The following WASL variants were observed in gnomAD, a reference collection of about 807,000 sequenced individuals.
WASL encodes WASP like actin nucleation promoting factor, also known as actin nucleation-promoting factor WASL.
A neutral mutation model predicts 55.5 loss-of-function variants in WASL; 20 were observed. The observed-to-expected ratio is 0.36, with a 90% CI of 0.25 to 0.52. The LOEUF is 0.52. WASL is among the 20% of genes least tolerant of loss of function. The pLI, the probability that WASL is intolerant of heterozygous loss-of-function variation, is 0.92. For missense variants in WASL, 504 were observed against 622.5 expected, an observed-to-expected ratio of 0.81 and a Z score of 2.03; for synonymous variants, 249 against 217.6, an observed-to-expected ratio of 1.14 and a Z score of -1.27.
At chr7:123,707,045 T>C (rs1275616364) in intron 2 of WASL, among the ~76,000 whole-genome samples, 1 of 152,158 alleles carries the variant, frequency 6.6e-6, no homozygotes, top group African/African-American at 2.4e-5. Flanking sequence ...AAAACCTACA[T>C]ATCAAGTCAG....
chr7:123,704,902 T>C (rs1227664094), intron 4 of WASL, among the ~76,000 whole-genome samples: 1 of 152,054 alleles, frequency 6.6e-6, no homozygotes. Flanking sequence ...AGTGAGCAAA[T>C]GGCACAGTGA....
intron 1 of WASL, among the ~76,000 whole-genome samples, chr7:123,741,131 G>C (rs189248840): frequency 2.1e-3 from 313 of 152,290 alleles, no homozygotes; most frequent in Non-Finnish European, 3.6e-3. Context: ...GTCCAGGGTT[G>C]GTTCTTGCCT....
At position 123,696,677 on chromosome 7, in the gene WASL, T is replaced by C. The variant is rs1184887041; in HGVS notation, c.531A>G (p.Pro177=). The stretch of plus-strand genomic sequence containing the variant: ...TGGTATGGGAGATGTTGTTGACTTG[T>C]GGACCATAAAATCTATTTGTTGTGA... The part of the protein sequence containing the change: ...PEITTNRFYG[P]QVNNISHTKE... The change falls in exon 6 of 11, where the codon CCA becomes CCG. Residue 177 remains proline, a synonymous_variant. Transcript: ENST00000223023. 2 of 1,605,994 alleles carry C rather than the reference T, an allele frequency of 1.2e-6. No homozygotes were observed. The highest frequency in any genetic ancestry group is 3.4e-5 in the Admixed American group (2 of 59,186).
At chr7:123,737,275 C>T (rs765949549) in intron 1 of WASL, among the ~76,000 whole-genome samples, 1 of 152,144 alleles carries the variant, frequency 6.6e-6, no homozygotes, top group Non-Finnish European at 1.5e-5. Flanking sequence ...GCTTGGTCTA[C>T]GTACTCCTTG....
At chr7:123,710,664 T>C (rs1326329356) in intron 1 of WASL, among the ~76,000 whole-genome samples, 1 of 152,142 alleles carries the variant, frequency 6.6e-6, no homozygotes, top group Non-Finnish European at 1.5e-5. Context: ...GAACTTCACA[T>C]ACAGTACTGA....
At position 123,709,168 on chromosome 7, in the gene WASL, G is replaced by A. The variant is rs1319887205; in HGVS notation, c.173C>T (p.Ser58Leu). Reference sequence around the variant, plus strand: ...ACAAGCAACACCACTGCACTTCTTTGACCACATACAGTTCCGATCTGCTGC... The same window carrying A: ...ACAAGCAACACCACTGCACTTCTTTAACCACATACAGTTCCGATCTGCTGC... Reference protein sequence around the residue: ...LYAADRNCMWSKKCSGVACLV... With the variant: ...LYAADRNCMWLKKCSGVACLV... The change falls in exon 2 of 11, where the codon TCA becomes TTA. Residue 58 changes from serine (S) to leucine (L), a missense_variant. Ser to Leu is a moderately radical substitution (Grantham distance 145). Transcript: ENST00000223023. 6.2e-7 allele frequency: 1 copy of A among 1,612,876 alleles called. No homozygotes were observed. Among genetic ancestry groups the A allele is most frequent in the African/African-American group, 1.3e-5 (1 of 74,996 alleles).
At chr7:123,696,790 A>G in intron 5 of WASL, 43 bp from the exon 6 acceptor site, 1 of 1,276,280 alleles carries the variant, frequency 7.8e-7, no homozygotes, top group Non-Finnish European at 1.0e-6. Context: ...ATAATTTAAG[A>G]TAACTGATAT....
rs940342967 is a variant in WASL at position 123,683,680 on chromosome 7, T to A, written c.*839A>T. On this transcript the variant is annotated 3_prime_UTR_variant, in exon 11 of 11. Coordinates refer to ENST00000223023, the MANE Select transcript of WASL (RefSeq NM_003941.4). ...TTTTAACCAAATATTGGAGTTACCA[T>A]AATATTACCTCAGTTCATGTAGAAT... 5.3e-5 allele frequency: 8 copies of A among 151,974 alleles called. No homozygotes were observed. The highest frequency in any genetic ancestry group is 1.9e-4 in the African/African-American group (8 of 41,418). The allele number at this position is 151,974 out of a possible 1,614,324, so 9.4% of individuals were successfully genotyped here.
rs1399649954 is a variant in WASL, at chr7:123,744,730, A to G, written c.117+3888T>C. Reference sequence around the variant, plus strand: ...TAGTTTCTCACTTATTCAGGACTATATATGTTGAACTTCACTTAGCAAAAC... The same window carrying G: ...TAGTTTCTCACTTATTCAGGACTATGTATGTTGAACTTCACTTAGCAAAAC... On this transcript the variant is annotated intron_variant, in intron 1 of 10. Transcript: ENST00000223023. Among the ~76,000 whole-genome samples, 7 of 152,150 alleles carry G rather than the reference A, an allele frequency of 4.6e-5. No homozygotes were observed. The East Asian group carries it at 1.2e-3, about 25-fold the overall frequency.
intron 1 of WASL, among the ~76,000 whole-genome samples, chr7:123,742,457 A>T (rs536839451): frequency 6.6e-6 from 1 of 152,308 alleles, no homozygotes; most frequent in African/African-American, 2.4e-5. Context: ...TAAAGTAACC[A>T]AGTCAATTCA....
rs191276887 is a variant in WASL at position 123,686,939 on chromosome 7, A to G, written c.1456+2103T>C. Among the ~76,000 whole-genome samples the G allele has an allele frequency of 2.7e-4, 41 of 152,310 alleles. No individual in the cohort carries two copies. The East Asian group carries it at 6.6e-3, about 24-fold the overall frequency. On this transcript the variant is annotated intron_variant, in intron 10 of 10. Coordinates refer to ENST00000223023, the MANE Select transcript of WASL (RefSeq NM_003941.4). ...TATCCTACTGACATGCAATTTAACAATTCAGACCTCTCCTGTGACTTCCAG... is the reference window on the plus strand; with the variant it reads ...TATCCTACTGACATGCAATTTAACAGTTCAGACCTCTCCTGTGACTTCCAG...
intron 1 of WASL, among the ~76,000 whole-genome samples, chr7:123,735,970 C>T (rs532795634): frequency 7.2e-5 from 11 of 151,988 alleles, no homozygotes; most frequent in South Asian, 2.1e-4. Context: ...CACAAAGGCA[C>T]ATCATAATCA....
At chr7:123,709,988 T>C (rs1803730629) in intron 1 of WASL, among the ~76,000 whole-genome samples, 1 of 152,172 alleles carries the variant, frequency 6.6e-6, no homozygotes, top group Non-Finnish European at 1.5e-5. Flanking sequence ...GCTAACTCGT[T>C]ACATGCAATG....
At chr7:123,701,115 G>A (rs1424275833) in intron 5 of WASL, among the ~76,000 whole-genome samples, 2 of 152,130 alleles carry the variant, frequency 1.3e-5, no homozygotes, top group African/African-American at 4.8e-5. Flanking sequence ...ACAACATAAA[G>A]TATATGAAAG....
chr7:123,691,869 A>G (rs1438394837), intron 9 of WASL, among the ~76,000 whole-genome samples: 1 of 152,206 alleles, frequency 6.6e-6, no homozygotes, highest in Non-Finnish European at 1.5e-5. Flanking sequence ...TAGATTTCCT[A>G]AGGTGATCAC....
At chr7:123,704,786 G>T in intron 4 of WASL, 129 bp from the exon 5 acceptor site, 2 of 514,778 alleles carry the variant, frequency 3.9e-6, no homozygotes, top group Non-Finnish European at 3.3e-6. Flanking sequence ...TTTTTCAGAA[G>T]ACCCGACATT....
intron 10 of WASL, among the ~76,000 whole-genome samples, chr7:123,688,486 G>A (rs556962163): frequency 3.2e-4 from 48 of 152,130 alleles, no homozygotes; most frequent in African/African-American, 5.5e-4. Context: ...TCAGCCTCCC[G>A]AGTAGCTGGA....
intron 1 of WASL, among the ~76,000 whole-genome samples, chr7:123,744,403 C>A (rs932901824): frequency 4.0e-5 from 6 of 151,820 alleles, no homozygotes; most frequent in African/African-American, 1.5e-4. Context: ...GATCTGGGAG[C>A]CAGAAGTTAC....
In WASL at chr7:123,684,551, C is replaced by A. The variant is rs1254721993; in HGVS notation, c.1486G>T (p.Asp496Tyr). The A allele has an allele frequency of 7.4e-7, 1 of 1,358,436 alleles. No individual in the cohort carries two copies. The highest frequency in any genetic ancestry group is 2.0e-5 in the Admixed American group (1 of 49,188). The allele number at this position is 1,358,436 out of a possible 1,614,324, so 84.1% of individuals were successfully genotyped here. ...DEDEDEDDEE[D>Y]FEDDDEWED ...TCCCACTCATCATCATCCTCAAAAT[C>A]TTCTTCATCATCTTCATCTTCATCT... Residue 496 changes from aspartate to tyrosine, a missense_variant, in exon 11 of 11, where the codon GAT becomes TAT. Physicochemically the swap from Asp to Tyr is radical, Grantham distance 160 (BLOSUM62 -3). Around this residue, in one of 5 missense-constraint regions of WASL, gnomAD observed 53 missense variants for 69.1 expected, o/e 0.77. Transcript: ENST00000223023.
Sources: gnomAD v4.1 joint callset for allele counts (sites outside exome capture counted in the v4.1 genomes callset) on GRCh38, gnomAD v4.1.1 for gene constraint, gnomAD v4.1.1 regional missense constraint, MANE v1.5 for transcripts, NCBI Gene and HGNC (gene_info 2026-07-23, HGNC 2026-07-21) for gene names.